Variants in AGBL4 observed in about 807,000 individuals in gnomAD.
The protein encoded by AGBL4 is cytosolic carboxypeptidase 6.
AGBL4 carries 58 observed loss-of-function variants against 66.4 expected under a neutral mutation model. The ratio of observed to expected loss-of-function variants is 0.87; its 90% CI spans 0.71 to 1.09. The LOEUF is 1.09. AGBL4 is among the 50% of genes least tolerant of loss of function. The pLI is 0.00. For missense variants in AGBL4, 579 were observed against 631.0 expected (o/e 0.92, Z 0.88); for synonymous variants, 234 against 222.9 (o/e 1.05, Z -0.44).
chr1:49,010,091 C>A (rs1357288233), intron 5 of AGBL4, among the ~76,000 whole-genome samples: 1 of 152,188 alleles, frequency 6.6e-6, no homozygotes, highest in Non-Finnish European at 1.5e-5. Context: ...GTCAAATTGT[C>A]CCTCTTTGCA....
chr1:48,715,359 C>A (rs1647032578), intron 6 of AGBL4, among the ~76,000 whole-genome samples: 1 of 152,184 alleles, frequency 6.6e-6, no homozygotes, highest in African/African-American at 2.4e-5. Context: ...CAGTAACACC[C>A]ATCCCTTCAA....
chr1:49,669,678 C>G (rs1026639461), intron 3 of AGBL4, among the ~76,000 whole-genome samples: 7 of 152,048 alleles, frequency 4.6e-5, no homozygotes, highest in Non-Finnish European at 8.8e-5. Flanking sequence ...CAGTGATTGA[C>G]CAGTTATCTA....
At chr1:49,598,664 G>T (rs1644897052) in intron 3 of AGBL4, among the ~76,000 whole-genome samples, 1 of 152,054 alleles carries the variant, frequency 6.6e-6, no homozygotes, top group South Asian at 2.1e-4. Context: ...CGGGGGTCAG[G>T]GGTCAGGGAC....
intron 3 of AGBL4, among the ~76,000 whole-genome samples, chr1:49,581,238 A>G (rs1644536260): frequency 6.6e-6 from 1 of 152,026 alleles, no homozygotes; most frequent in African/African-American, 2.4e-5. Context: ...TTTCTCATTC[A>G]CATTCTGAAT....
chr1:49,327,494 C>T (rs1048251707), intron 3 of AGBL4, among the ~76,000 whole-genome samples: 2 of 152,116 alleles, frequency 1.3e-5, no homozygotes, highest in African/African-American at 4.8e-5. Context: ...ATTTTGAAGG[C>T]TGGGAAATAA....
intron 4 of AGBL4, among the ~76,000 whole-genome samples, chr1:49,136,616 A>G (rs1369596094): frequency 6.6e-6 from 1 of 152,154 alleles, no homozygotes; most frequent in Non-Finnish European, 1.5e-5. Flanking sequence ...ATGGCACCAA[A>G]TTACAAATTC....
intron 11 of AGBL4, among the ~76,000 whole-genome samples, chr1:48,575,364 G>C (rs1466656566): frequency 6.6e-6 from 1 of 152,204 alleles, no homozygotes; most frequent in Non-Finnish European, 1.5e-5. Flanking sequence ...AAGATGAAAA[G>C]AGTTAGAAGG....
At chr1:48,562,450 C>G (rs1402686781) in intron 11 of AGBL4, among the ~76,000 whole-genome samples, 1 of 152,180 alleles carries the variant, frequency 6.6e-6, no homozygotes, top group South Asian at 2.1e-4. Context: ...AGACCCAGCT[C>G]AAAATCTGCT....
At chr1:49,905,337 G>T (rs1650169555) in intron 1 of AGBL4, among the ~76,000 whole-genome samples, 1 of 152,104 alleles carries the variant, frequency 6.6e-6, no homozygotes. Flanking sequence ...TCTGCCCTGG[G>T]ATCAAGATGA....
intron 1 of AGBL4, among the ~76,000 whole-genome samples, chr1:49,947,778 G>A (rs998421881): frequency 1.3e-5 from 2 of 148,868 alleles, no homozygotes; most frequent in African/African-American, 5.0e-5. Context: ...TTATATGACT[G>A]TATACCTAGA....
At chr1:48,905,840 T>C (rs1652534545) in intron 5 of AGBL4, among the ~76,000 whole-genome samples, 1 of 152,210 alleles carries the variant, frequency 6.6e-6, no homozygotes, top group South Asian at 2.1e-4. Flanking sequence ...CCTCTAGCTT[T>C]CACTGACTGA....
chr1:49,406,813 C>T (rs982322759), intron 3 of AGBL4, among the ~76,000 whole-genome samples: 1 of 151,612 alleles, frequency 6.6e-6, no homozygotes, highest in South Asian at 2.1e-4. Flanking sequence ...TGCCTGTAAT[C>T]CCAGCACTTT....
At chr1:48,750,380 C>T (rs1651497341) in intron 6 of AGBL4, among the ~76,000 whole-genome samples, 1 of 152,170 alleles carries the variant, frequency 6.6e-6, no homozygotes, top group African/African-American at 2.4e-5. Context: ...TTGAATAAGC[C>T]AGCCTCTCTT....
intron 9 of AGBL4, among the ~76,000 whole-genome samples, chr1:48,614,506 G>A (rs949036566): frequency 6.6e-6 from 1 of 152,220 alleles, no homozygotes; most frequent in African/African-American, 2.4e-5. Flanking sequence ...CAAAGAAGGT[G>A]ATCTTGAGAA....
chr1:50,012,282 CG>C (rs1441514086), intron 1 of AGBL4, among the ~76,000 whole-genome samples: 3 of 151,174 alleles, frequency 2.0e-5, no homozygotes, highest in Admixed American at 2.0e-4. Flanking sequence ...GACCTGCTAT[CG>C]TGATAGCCCA....
intron 3 of AGBL4, among the ~76,000 whole-genome samples, chr1:49,461,377 T>C (rs1430364539): frequency 6.6e-6 from 1 of 151,480 alleles, no homozygotes; most frequent in Non-Finnish European, 1.5e-5. Flanking sequence ...TCTGCTTGTA[T>C]GATTCTATTG....
intron 12 of AGBL4, among the ~76,000 whole-genome samples, chr1:48,536,423 G>A (rs1485286858): frequency 1.3e-5 from 2 of 152,188 alleles, no homozygotes; most frequent in South Asian, 2.1e-4. Context: ...AAAGGTAATG[G>A]GGAGCCATAG....
intron 8 of AGBL4, among the ~76,000 whole-genome samples, chr1:48,645,599 T>A (rs531222690): frequency 1.0e-3 from 152 of 152,204 alleles, no homozygotes; most frequent in Non-Finnish European, 1.6e-3. Flanking sequence ...ATAAATTAAT[T>A]AGTTCTATGA....
At chr1:50,011,467 C>T (rs931825402) in intron 1 of AGBL4, among the ~76,000 whole-genome samples, 2 of 152,106 alleles carry the variant, frequency 1.3e-5, no homozygotes, top group Admixed American at 6.6e-5. Flanking sequence ...TGTTGAGAAG[C>T]GTTTGGAGGT....
Sources: gnomAD v4.1 joint callset for allele counts (sites outside exome capture counted in the v4.1 genomes callset) on GRCh38, gnomAD v4.1.1 for gene constraint, MANE v1.5 for transcripts, NCBI Gene and HGNC (gene_info 2026-07-23, HGNC 2026-07-21) for gene names.